Variants in TULP4 observed in about 807,000 individuals in gnomAD.
TULP4 encodes tubby-related protein 4.
In TULP4, 16 loss-of-function variants were observed where a neutral mutation model predicts 129.0. The ratio of observed to expected loss-of-function variants is 0.12; its 90% confidence interval spans 0.08 to 0.19. The LOEUF (loss-of-function observed/expected upper bound fraction) is 0.19, where lower values mean the gene tolerates loss of function less well. Ranked by LOEUF, TULP4 falls within the 10% of genes least tolerant of loss-of-function variation. The probability of loss-of-function intolerance (pLI) is 1.00; values close to 1 mark genes in which losing one functional copy is unlikely to be tolerated. For missense variants in TULP4, 1,842 were observed against 2,059.1 expected, an observed-to-expected ratio of 0.89 and a Z score of 2.04; for synonymous variants, 998 against 854.0, an observed-to-expected ratio of 1.17 and a Z score of -2.94.
intron 1 of TULP4, among the ~76,000 whole-genome samples, chr6:158,233,963 G>C (rs1777643317): frequency 1.3e-5 from 2 of 152,018 alleles, no homozygotes; most frequent in Non-Finnish European, 2.9e-5. Flanking sequence ...GGCTTCCGGA[G>C]TTAAAGTCCG....
Position 158,501,826 on chromosome 6 carries a change from A to G in TULP4, c.2163A>G (p.Leu721=). The change falls in exon 13 of 14, where the codon CTA becomes CTG. Residue 721 remains leucine, a synonymous_variant. Coordinates refer to ENST00000367097, the MANE Select transcript of TULP4 (RefSeq NM_020245.5). The part of the protein sequence containing the change: ...QSLLANQNVQ[L]DVLTNQTTAV... ...TACTGGCCAATCAGAATGTGCAGCT[A>G]GATGTCCTGACCAACCAGACGACAG... The G allele has an allele frequency of 6.2e-7, 1 of 1,614,154 alleles. No homozygotes were observed. The highest frequency in any genetic ancestry group is 2.2e-5 in the East Asian group (1 of 44,870).
intron 1 of TULP4, among the ~76,000 whole-genome samples, chr6:158,304,713 C>G (rs1779185788): frequency 6.6e-6 from 1 of 151,118 alleles, no homozygotes. Flanking sequence ...GTCACCCAGG[C>G]TGAAGTACAG....
At chr6:158,395,328 C>T (rs1469437537) in intron 1 of TULP4, among the ~76,000 whole-genome samples, 1 of 152,182 alleles carries the variant, frequency 6.6e-6, no homozygotes, top group East Asian at 1.9e-4. Context: ...TGCCTGTAAT[C>T]CCAGCACTTT....
chr6:158,358,602 G>A (rs1363445977), intron 1 of TULP4, among the ~76,000 whole-genome samples: 2 of 152,102 alleles, frequency 1.3e-5, no homozygotes, highest in Non-Finnish European at 2.9e-5. Context: ...CTATAGGCTG[G>A]TTACATCCCA....
intron 1 of TULP4, among the ~76,000 whole-genome samples, chr6:158,315,421 C>T (rs918769239): frequency 2.0e-5 from 3 of 152,050 alleles, no homozygotes; most frequent in Admixed American, 2.0e-4. Flanking sequence ...ATTACCATCA[C>T]CTAGGGAGAT....
intron 1 of TULP4, among the ~76,000 whole-genome samples, chr6:158,340,525 G>A (rs200547550): frequency 1.3e-5 from 2 of 152,108 alleles, no homozygotes; most frequent in East Asian, 1.9e-4. Context: ...AGAGTTGACC[G>A]TACTGCTCCC....
At chr6:158,355,501 A>G (rs1221213301) in intron 1 of TULP4, among the ~76,000 whole-genome samples, 1 of 152,160 alleles carries the variant, frequency 6.6e-6, no homozygotes, top group East Asian at 1.9e-4. Flanking sequence ...TACCAAGGAA[A>G]GGATATCCTG....
At chr6:158,287,543 C>T (rs1051065420) in intron 1 of TULP4, among the ~76,000 whole-genome samples, 8 of 152,052 alleles carry the variant, frequency 5.3e-5, no homozygotes, top group African/African-American at 1.7e-4. Flanking sequence ...CAAGTTAGCA[C>T]GGATGATAAG....
At chr6:158,295,870 A>C (rs549649195) in intron 1 of TULP4, among the ~76,000 whole-genome samples, 1 of 152,342 alleles carries the variant, frequency 6.6e-6, no homozygotes, top group Non-Finnish European at 1.5e-5. Flanking sequence ...CAGCCTGGGC[A>C]ACAGAATGAG....
intron 1 of TULP4, among the ~76,000 whole-genome samples, chr6:158,286,071 A>G (rs901751214): frequency 2.0e-5 from 3 of 152,242 alleles, no homozygotes; most frequent in Admixed American, 1.3e-4. Context: ...TTAGTTTAAC[A>G]ATATATAGGT....
At chr6:158,474,768 T>C (rs1357355778) in intron 6 of TULP4, among the ~76,000 whole-genome samples, 1 of 152,218 alleles carries the variant, frequency 6.6e-6, no homozygotes, top group Non-Finnish European at 1.5e-5. Flanking sequence ...ATTTGCATTG[T>C]ATCAGGTGAG....
At chr6:158,487,590 A>AT (rs1251431368) in intron 8 of TULP4, among the ~76,000 whole-genome samples, 3 of 152,368 alleles carry the variant, frequency 2.0e-5, no homozygotes, top group Admixed American at 1.3e-4. Flanking sequence ...TACGACTTAG[A>AT]TGTTTTTCCA....
chr6:158,420,492 T>C (rs971836310), intron 2 of TULP4, among the ~76,000 whole-genome samples: 1 of 152,254 alleles, frequency 6.6e-6, no homozygotes, highest in Non-Finnish European at 1.5e-5. Flanking sequence ...TTGTTTTGTT[T>C]TGTTTTCTGA....
intron 1 of TULP4, among the ~76,000 whole-genome samples, chr6:158,241,368 C>G (rs1334638289): frequency 3.7e-4 from 50 of 136,492 alleles, no homozygotes; most frequent in African/African-American, 1.1e-3. Flanking sequence ...GCTGCAATCT[C>G]GGCACTTTGG....
intron 1 of TULP4, among the ~76,000 whole-genome samples, chr6:158,239,661 G>A (rs1271946980): frequency 2.0e-4 from 14 of 68,524 alleles, no homozygotes; most frequent in Non-Finnish European, 2.6e-4. Context: ...CCTCCCTCCC[G>A]GACCGGGCGG....
upstream of TULP4, among the ~76,000 whole-genome samples, chr6:158,278,223 C>T (rs1173526983): frequency 6.6e-6 from 1 of 152,160 alleles, no homozygotes; most frequent in Admixed American, 6.5e-5. Flanking sequence ...TTCACAGCTC[C>T]TTTGAGACTG....
intron 13 of TULP4, among the ~76,000 whole-genome samples, chr6:158,504,999 T>C (rs1374995689): frequency 1.5e-5 from 2 of 137,158 alleles, no homozygotes; most frequent in African/African-American, 5.6e-5. Flanking sequence ...GAGCCATGTA[T>C]TACGGCTTAG....
chr6:158,264,580 C>T (rs562315645), intron 1 of TULP4, among the ~76,000 whole-genome samples: 5 of 152,230 alleles, frequency 3.3e-5, no homozygotes, highest in Admixed American at 3.3e-4. Flanking sequence ...GGGGAAGATG[C>T]ACCTGGAGGG....
At chr6:158,309,094 C>A (rs1465582338), upstream of TULP4, among the ~76,000 whole-genome samples, 4 of 85,406 alleles carry the variant, frequency 4.7e-5, no homozygotes, top group Non-Finnish European at 2.6e-5. Context: ...ACTTCCCAGA[C>A]GGTGTGGTTG....
Sources: allele counts gnomAD v4.1 joint callset (sites outside exome capture counted in the v4.1 genomes callset), GRCh38; gene constraint gnomAD v4.1.1; transcripts MANE v1.5; gene names NCBI Gene and HGNC (gene_info 2026-07-23, HGNC 2026-07-21).